BEGAIN: variants seen among roughly 807,000 people sequenced by gnomAD.
The protein encoded by BEGAIN is brain enriched guanylate kinase associated, also known as brain-enriched guanylate kinase-associated protein.
BEGAIN carries 19 observed loss-of-function variants against 35.8 expected under a neutral mutation model. The ratio of observed to expected loss-of-function variants is 0.53; its 90% CI spans 0.37 to 0.78. The LOEUF is 0.78. BEGAIN is among the 30% of genes least tolerant of loss of function. The probability of loss-of-function intolerance (pLI) is 0.00; values close to 1 mark genes in which losing one functional copy is unlikely to be tolerated. For synonymous variants in BEGAIN, 462 were observed against 388.6 expected, an observed-to-expected ratio of 1.19 and a Z score of -2.22; for missense variants, 795 against 853.6, an observed-to-expected ratio of 0.93 and a Z score of 0.85.
intron 4 of BEGAIN, 96 bp downstream of exon 4, chr14:100,544,904 G>T: frequency 1.6e-6 from 2 of 1,228,630 alleles, no homozygotes; most frequent in Non-Finnish European, 2.4e-6. Context: ...CAAGACCTGT[G>T]TCCCAGCTCC....
In BEGAIN at chr14:100,540,530, C is replaced by T; in HGVS notation, c.458G>A (p.Ser153Asn). The change falls in exon 6 of 7, where the codon AGC becomes AAC. Residue 153 changes from serine (S) to asparagine (N), a missense_variant. By Grantham distance (46) the Ser-to-Asn change is conservative. This residue lies in a region of BEGAIN where 73 missense variants were observed against 143.2 expected (regional missense o/e 0.51). Coordinates refer to ENST00000554140, the MANE Select transcript of BEGAIN (RefSeq NM_001385089.1). ...CNLAAQLLQC[S>N]QTYGRVHKVS... is the part of the protein sequence containing the mutation. ...CTTGTGGACCCTGCCGTAGGTCTGG[C>T]TGCACTGCAGCAGCTGGGCCGCTAG... is the stretch of plus-strand genomic sequence containing the variant. The T allele has an allele frequency of 6.2e-7, 1 of 1,607,776 alleles. No individual in the cohort carries two copies. The highest frequency in any genetic ancestry group is 8.5e-7 in the Non-Finnish European group (1 of 1,177,346).
intron 1 of BEGAIN, among the ~76,000 whole-genome samples, chr14:100,572,439 G>A (rs966865556): frequency 2.0e-5 from 3 of 152,098 alleles, no homozygotes; most frequent in African/African-American, 7.2e-5. Context: ...CTCTGCCTCC[G>A]ACTCAGGCCA....
At position 100,537,720 on chromosome 14, in the gene BEGAIN, TGGG is replaced by T. The variant is rs2030767067; in HGVS notation, c.*246_*248del. On this transcript the variant is annotated 3_prime_UTR_variant, in exon 7 of 7. Transcript: ENST00000554140. ...TAAAAGGGGGGATGCTCCTCTCACA[TGGG>T]GGAAGGACGCGTGAAAAACGCTCTA... The T allele has an allele frequency of 2.2e-6, 1 of 452,140 alleles. No individual in the cohort carries two copies. The highest frequency in any genetic ancestry group is 3.8e-5 in the East Asian group (1 of 26,580). 28.0% of individuals were successfully genotyped at this position (452,140 alleles called of 1,614,324 possible).
At chr14:100,564,677 G>A (rs1407010776) in intron 2 of BEGAIN, among the ~76,000 whole-genome samples, 1 of 152,222 alleles carries the variant, frequency 6.6e-6, no homozygotes, top group East Asian at 1.9e-4. Flanking sequence ...TGGTGTGGCT[G>A]CATATCTACC....
rs1344837353 is a variant in BEGAIN, at chr14:100,568,090, C to T, written c.43-151G>A. On this transcript the variant is annotated intron_variant, in intron 1 of 6. Transcript: ENST00000554140. The surrounding 1 kb of genome is among the most constrained non-coding windows in gnomAD (Gnocchi z 7.5). ...CGCCGCGCGTCCCCAGCTTCCAGTCCCGGCCGCGGCCCCCGTGACTCAGTG... is the reference window on the plus strand; with the variant it reads ...CGCCGCGCGTCCCCAGCTTCCAGTCTCGGCCGCGGCCCCCGTGACTCAGTG... The T allele has an allele frequency of 9.5e-6, 10 of 1,049,802 alleles. No individual in the cohort carries two copies. In the African/African-American group the frequency reaches 1.7e-4, roughly 18 times the overall value. 65.0% of individuals were successfully genotyped at this position (1,049,802 alleles called of 1,614,324 possible). A position where few individuals can be genotyped will look rare whatever the true frequency, so the allele number is the denominator to read the frequency against.
At chr14:100,577,231 G>A in intron 1 of BEGAIN, 1 of 398,462 alleles carries the variant, frequency 2.5e-6, no homozygotes. Flanking sequence ...GGTGTGGGGA[G>A]GGAACTCGGA....
intron 2 of BEGAIN, among the ~76,000 whole-genome samples, chr14:100,557,397 G>A (rs1318063647): frequency 6.6e-6 from 1 of 152,228 alleles, no homozygotes; most frequent in Non-Finnish European, 1.5e-5. Context: ...AGGCAGGAGG[G>A]GAGTCAGGTC....
intron 2 of BEGAIN, chr14:100,548,352 C>T (rs537745759): frequency 2.6e-4 from 40 of 152,316 alleles, no homozygotes; most frequent in African/African-American, 8.7e-4. Context: ...CCTATGCCAT[C>T]CTGGGCTCCT....
intron 1 of BEGAIN, among the ~76,000 whole-genome samples, chr14:100,572,584 T>C (rs2035108420): frequency 6.6e-6 from 1 of 152,050 alleles, no homozygotes; most frequent in Non-Finnish European, 1.5e-5. Context: ...TTACCCCTCC[T>C]GGAGGGGAGG....
In BEGAIN at chr14:100,568,313, C is replaced by G. The variant is rs1241979911; in HGVS notation, c.43-374G>C. 1 of 756,892 alleles carries G rather than the reference C, an allele frequency of 1.3e-6. No homozygotes were observed. 46.9% of individuals were successfully genotyped at this position (756,892 alleles called of 1,614,324 possible). On this transcript the variant is annotated intron_variant, in intron 1 of 6. Coordinates refer to ENST00000554140, the MANE Select transcript of BEGAIN (RefSeq NM_001385089.1). This position sits in a 1 kb window ranked among gnomAD's most constrained non-coding sequence, Gnocchi z 7.5. ...GCGGCCGCGGCCCCGCTGCTCCCCCCGCCCCGCCCGTTAACCCTTCCTGCC... is the reference window on the plus strand; with the variant it reads ...GCGGCCGCGGCCCCGCTGCTCCCCCGGCCCCGCCCGTTAACCCTTCCTGCC...
chr14:100,559,239 C>T (rs2034029099), intron 2 of BEGAIN, among the ~76,000 whole-genome samples: 1 of 152,072 alleles, frequency 6.6e-6, no homozygotes, highest in Non-Finnish European at 1.5e-5. Context: ...CCTGCCTGGG[C>T]TCCTCTTTCC....
chr14:100,544,030 C>A, intron 4 of BEGAIN, 65 bp from the exon 5 acceptor site: 1 of 1,178,952 alleles, frequency 8.5e-7, no homozygotes, highest in Non-Finnish European at 1.2e-6. Flanking sequence ...CCCAGTCGCT[C>A]GATTGCACCC....
intron 1 of BEGAIN, among the ~76,000 whole-genome samples, chr14:100,574,630 C>T (rs1411961370): frequency 2.0e-5 from 3 of 151,352 alleles, no homozygotes; most frequent in African/African-American, 4.9e-5. Flanking sequence ...GATCTGGCAA[C>T]GTCGGCCCAC....
intron 6 of BEGAIN, 101 bp from the exon 7 acceptor site, chr14:100,539,416 G>T: frequency 6.8e-7 from 1 of 1,467,634 alleles, no homozygotes; most frequent in Non-Finnish European, 8.9e-7. Flanking sequence ...AGCCATGACC[G>T]ACAGGCAGAC....
In BEGAIN at chr14:100,565,542, G is replaced by A. The variant is rs1358063104; in HGVS notation, c.71+2369C>T. 2.0e-5 allele frequency among the ~76,000 whole-genome samples: 3 copies of A among 152,270 alleles called. No individual in the cohort carries two copies. The East Asian group carries it at 5.8e-4, about 29-fold the overall frequency. On this transcript the variant is annotated intron_variant, in intron 2 of 6. Transcript: ENST00000554140. ...TGGCTCCAGGCCCTGGGGGGTGTGG[G>A]AGAGGAGGGGGCCAGGACCAGCACT... is the stretch of plus-strand genomic sequence containing the variant.
Position 100,558,739 on chromosome 14 carries a change from A to G in BEGAIN, c.71+9172T>C, listed in dbSNP as rs1014317150. On this transcript the variant is annotated intron_variant, in intron 2 of 6. Transcript: ENST00000554140. This position sits in a 1 kb window ranked among gnomAD's most constrained non-coding sequence, Gnocchi z 4.6. ...CTCCCCATCCTTCCCAGGGTATACCAGGAGCCTCACCTTCTAGGACCACCC... is the reference window on the plus strand; with the variant it reads ...CTCCCCATCCTTCCCAGGGTATACCGGGAGCCTCACCTTCTAGGACCACCC... 1.3e-5 allele frequency among the ~76,000 whole-genome samples: 2 copies of G among 152,120 alleles called. No homozygotes were observed. The highest frequency in any genetic ancestry group is 4.8e-5 in the African/African-American group (2 of 41,424).
chr14:100,583,806 C>G (rs1332324427), intron 1 of BEGAIN, among the ~76,000 whole-genome samples: 1 of 147,996 alleles, frequency 6.8e-6, no homozygotes, highest in Non-Finnish European at 1.5e-5. Flanking sequence ...AAGCAATTCT[C>G]CTGTCTCAGC....
At position 100,546,806 on chromosome 14, in the gene BEGAIN, A is replaced by G. The variant is rs568297636; in HGVS notation, c.72-144T>C. On this transcript the variant is annotated intron_variant, in intron 2 of 6. Coordinates refer to ENST00000554140, the MANE Select transcript of BEGAIN (RefSeq NM_001385089.1). ...CACACACACACACACACACACACAC[A>G]CACACACTCACACACACCCAGCCTC... The G allele has an allele frequency of 3.4e-5, 20 of 594,892 alleles. No individual in the cohort carries two copies. In the African/African-American group the frequency reaches 3.8e-4, roughly 11 times the overall value. 36.9% of individuals were successfully genotyped at this position (594,892 alleles called of 1,614,324 possible). A position where few individuals can be genotyped will look rare whatever the true frequency, so the allele number is the denominator to read the frequency against.
At position 100,568,113 on chromosome 14, in the gene BEGAIN, G is replaced by T. The variant is rs2034872057; in HGVS notation, c.43-174C>A. On this transcript the variant is annotated intron_variant, in intron 1 of 6. Coordinates refer to ENST00000554140, the MANE Select transcript of BEGAIN (RefSeq NM_001385089.1). This position sits in a 1 kb window ranked among gnomAD's most constrained non-coding sequence, Gnocchi z 7.5. The stretch of plus-strand genomic sequence containing the variant: ...TCCCGGCCGCGGCCCCCGTGACTCA[G>T]TGGGCGCGCCGGGCCGCGGCCGAGT... The T allele has an allele frequency of 1.1e-5, 11 of 1,026,918 alleles. No homozygotes were observed. Among genetic ancestry groups the T allele is most frequent in the Non-Finnish European group, 1.2e-5 (10 of 858,670 alleles). 63.6% of individuals were successfully genotyped at this position (1,026,918 alleles called of 1,614,324 possible). A position where few individuals can be genotyped will look rare whatever the true frequency, so the allele number is the denominator to read the frequency against.
Sources: gnomAD v4.1 joint callset for allele counts (sites outside exome capture counted in the v4.1 genomes callset) on GRCh38, gnomAD v4.1.1 for gene constraint, gnomAD v4.1.1 regional missense constraint, Gnocchi (gnomAD v3.1) non-coding constraint, MANE v1.5 for transcripts, NCBI Gene and HGNC (gene_info 2026-07-23, HGNC 2026-07-21) for gene names.